The following PROS1 variants were observed in gnomAD, a reference collection of about 807,000 sequenced individuals.
PROS1 encodes protein S, also known as vitamin K-dependent protein S.
In PROS1, 29 loss-of-function variants were observed where a neutral mutation model predicts 75.9. That is an observed-to-expected ratio of 0.38 (90% CI 0.28 to 0.52). The LOEUF (loss-of-function observed/expected upper bound fraction) is 0.52, where lower values mean the gene tolerates loss of function less well. Among genes scored for constraint, PROS1 ranks in the 20% least tolerant of loss-of-function variants. The pLI is 0.83. For synonymous variants in PROS1, 245 were observed against 280.6 expected (o/e 0.87, Z 1.27); for missense variants, 680 against 810.3 (o/e 0.84, Z 1.95).
chr3:93,910,501 C>T (rs1442394548), intron 4 of PROS1, 118 bp downstream of exon 4: 32 of 811,066 alleles, frequency 3.9e-5, no homozygotes, highest in South Asian at 2.2e-4. Context: ...CCTTGCTGGG[C>T]ATACAACCCA....
At chr3:93,926,101 C>A (rs1469702528) in intron 2 of PROS1, among the ~76,000 whole-genome samples, 1 of 152,002 alleles carries the variant, frequency 6.6e-6, no homozygotes, top group African/African-American at 2.4e-5. Flanking sequence ...AATATGGTAT[C>A]TTGGGCAGAC....
rs1174991105 is a variant in PROS1 at position 93,893,070 on chromosome 3, A to G, written c.1018T>C (p.Tyr340His). The change falls in exon 10 of 15, where the codon TAC becomes CAC. Residue 340 changes from tyrosine to histidine, a missense_variant. Transcript: ENST00000394236. ...RTYDSEGVIL[Y>H]AESIDHSAWL... Reference sequence around the variant, plus strand: ...GCTGAGTGATCGATAGATTCTGCGTACAGTATCACGCCTTCTGAATCATAT... The same window carrying G: ...GCTGAGTGATCGATAGATTCTGCGTGCAGTATCACGCCTTCTGAATCATAT... 6.2e-7 allele frequency: 1 copy of G among 1,614,120 alleles called. No homozygotes were observed. The highest frequency in any genetic ancestry group is 1.7e-5 in the Admixed American group (1 of 60,034).
intron 1 of PROS1, among the ~76,000 whole-genome samples, chr3:93,936,849 TA>T (rs1709191454): frequency 6.6e-6 from 1 of 152,194 alleles, no homozygotes; most frequent in Non-Finnish European, 1.5e-5. Flanking sequence ...TAGGACCACA[TA>T]AAAATGATAT....
At chr3:93,970,377 C>G (rs1394799506) in intron 1 of PROS1, among the ~76,000 whole-genome samples, 1 of 152,180 alleles carries the variant, frequency 6.6e-6, no homozygotes, top group East Asian at 1.9e-4. Context: ...CGCTCTATCA[C>G]CCAGGCTGGA....
chr3:93,885,454 G>C, intron 11 of PROS1, among the ~76,000 whole-genome samples: 1 of 152,022 alleles, frequency 6.6e-6, no homozygotes. Context: ...TTGAACTCCT[G>C]ACCTCAGGTG....
chr3:93,960,790 C>A (rs185063582), intron 1 of PROS1, among the ~76,000 whole-genome samples: 52 of 151,560 alleles, frequency 3.4e-4, no homozygotes, highest in Admixed American at 1.2e-3. Flanking sequence ...TAAACTAATA[C>A]CTGTAACAGA....
At chr3:93,943,530 C>A (rs1415748696) in intron 1 of PROS1, among the ~76,000 whole-genome samples, 3 of 152,182 alleles carry the variant, frequency 2.0e-5, no homozygotes, top group East Asian at 1.9e-4. Flanking sequence ...ATCTCTCCCA[C>A]TCTAGGCTCC....
chr3:93,876,345 T>C (rs905073392), intron 14 of PROS1, among the ~76,000 whole-genome samples: 2 of 152,062 alleles, frequency 1.3e-5, no homozygotes, highest in Non-Finnish European at 2.9e-5. Context: ...TCCCAGCACT[T>C]TGGGAGGCCG....
intron 8 of PROS1, 152 bp downstream of exon 8, chr3:93,898,296 A>G: frequency 1.2e-6 from 1 of 857,884 alleles, no homozygotes; most frequent in Non-Finnish European, 1.9e-6. Flanking sequence ...CATGACCATA[A>G]TTAGTAAATA....
intron 1 of PROS1, among the ~76,000 whole-genome samples, chr3:93,973,136 A>G (rs1007317531): frequency 9.9e-5 from 15 of 152,182 alleles, no homozygotes; most frequent in Admixed American, 1.3e-4. Context: ...TTTTGATTTC[A>G]GGGTTAGAAA....
At chr3:93,906,282 C>A in intron 4 of PROS1, 139 bp from the exon 5 acceptor site, 1 of 971,428 alleles carries the variant, frequency 1.0e-6, no homozygotes, top group South Asian at 1.8e-5. Flanking sequence ...TAATACTTTT[C>A]CTAAATTAAA....
rs1708672764 is a variant in PROS1 at position 93,906,157 on chromosome 3, A to T, written c.347-14T>A. ...GGTCTGGAATGGCTGAAGGAAATAG[A>T]CATCTATTTATTTTTTTTATCTCAT... On this transcript the variant is annotated splice_polypyrimidine_tract_variant and intron_variant, in intron 4 of 14. Coordinates refer to ENST00000394236, the MANE Select transcript of PROS1 (RefSeq NM_000313.4). The T allele has an allele frequency of 6.2e-7, 1 of 1,612,042 alleles. No homozygotes were observed. Among genetic ancestry groups the T allele is most frequent in the Admixed American group, 1.7e-5 (1 of 59,754 alleles).
At chr3:93,903,689 A>T (rs573021228) in intron 6 of PROS1, among the ~76,000 whole-genome samples, 24 of 152,244 alleles carry the variant, frequency 1.6e-4, no homozygotes, top group African/African-American at 5.5e-4. Flanking sequence ...AAAAACACAA[A>T]TTCTTTAGAA....
At chr3:93,967,613 T>C (rs1054185541) in intron 1 of PROS1, among the ~76,000 whole-genome samples, 1 of 152,130 alleles carries the variant, frequency 6.6e-6, no homozygotes, top group Non-Finnish European at 1.5e-5. Context: ...TATCTAGGCA[T>C]AGTGGCTCAC....
At position 93,915,195 on chromosome 3, in the gene PROS1, G is replaced by A. The variant is rs191267151; in HGVS notation, c.260-4490C>T. Among the ~76,000 whole-genome samples the A allele has an allele frequency of 9.7e-4, 147 of 152,198 alleles. 2 individuals carry two copies. Among genetic ancestry groups the A allele is most frequent in the Admixed American group, 9.3e-3 (142 of 15,286 alleles). On this transcript the variant is annotated intron_variant, in intron 3 of 14. Coordinates refer to ENST00000394236, the MANE Select transcript of PROS1 (RefSeq NM_000313.4). ...AAAAGTAGCCACAAAGGCTGGGCACGGTAGCTCATACCTGTAATCCCAGCT... is the reference window on the plus strand; with the variant it reads ...AAAAGTAGCCACAAAGGCTGGGCACAGTAGCTCATACCTGTAATCCCAGCT...
intron 6 of PROS1, among the ~76,000 whole-genome samples, chr3:93,903,399 C>A (rs1219828757): frequency 2.0e-5 from 3 of 152,090 alleles, no homozygotes; most frequent in African/African-American, 7.2e-5. Flanking sequence ...TGTGGTGGCT[C>A]ATGCCTGTAA....
chr3:93,889,664 G>C (rs1429224304), intron 10 of PROS1, among the ~76,000 whole-genome samples: 1 of 152,186 alleles, frequency 6.6e-6, no homozygotes, highest in Admixed American at 6.5e-5. Context: ...AGCCACAGCA[G>C]AGGAACATAA....
chr3:93,900,924 C>T lies in PROS1; in HGVS notation c.607G>A (p.Asp203Asn). 1.2e-6 allele frequency: 2 copies of T among 1,613,760 alleles called. No homozygotes were observed. Among genetic ancestry groups the T allele is most frequent in the East Asian group, 2.2e-5 (1 of 44,878 alleles). Residue 203 changes from aspartate (D) to asparagine (N), a missense_variant, in exon 7 of 15, where the codon GAT becomes AAT. Coordinates refer to ENST00000394236, the MANE Select transcript of PROS1 (RefSeq NM_000313.4). ...ATGCTTGGCTTCAAAGAGCATTCAT[C>T]CACATCTATAAATAAAATCACTATA... ...LSNKKDCKDVDECSLKPSICG... is the reference protein window; with the variant it reads ...LSNKKDCKDVNECSLKPSICG...
chr3:93,880,773 A>G (rs1708265882), intron 12 of PROS1, among the ~76,000 whole-genome samples: 1 of 152,212 alleles, frequency 6.6e-6, no homozygotes, highest in Non-Finnish European at 1.5e-5. Context: ...TACAAAGTAG[A>G]TCACTTACAA....
Sources: gnomAD v4.1 joint callset for allele counts (sites outside exome capture counted in the v4.1 genomes callset) on GRCh38, gnomAD v4.1.1 for gene constraint, MANE v1.5 for transcripts, NCBI Gene and HGNC (gene_info 2026-07-23, HGNC 2026-07-21) for gene names.